The following ZNF512B variants were observed in gnomAD, a reference collection of about 807,000 sequenced individuals.
ZNF512B encodes the protein zinc finger protein 512B.
A neutral mutation model predicts 87.8 loss-of-function variants in ZNF512B; 22 were observed. The observed-to-expected ratio is 0.25, with a 90% CI of 0.18 to 0.36. ZNF512B has a LOEUF of 0.36. Ranked by LOEUF, ZNF512B falls within the 10% of genes least tolerant of loss-of-function variation. ZNF512B has a pLI of 1.00. For missense variants in ZNF512B, 1,060 were observed against 1,231.6 expected, an observed-to-expected ratio of 0.86 and a Z score of 2.09; for synonymous variants, 524 against 490.9, an observed-to-expected ratio of 1.07 and a Z score of -0.89.
At position 63,962,000 on chromosome 20, in the gene ZNF512B, C is replaced by T; in HGVS notation, c.2270G>A (p.Cys757Tyr). ...KGHVNCPNDC[C>Y]EAIYSSVSGL... ...GGACACGCTGGAGTAGATGGCTTCA[C>T]AGCACTGCAGGGAAGGGAGCCGTGG... Residue 757 changes from cysteine (C) to tyrosine (Y), a missense_variant, in exon 15 of 17, where the codon TGT becomes TAT. Physicochemically the swap from Cys to Tyr is radical, Grantham distance 194. Transcript: ENST00000369888. This position sits in a 1 kb window ranked among gnomAD's most constrained non-coding sequence, Gnocchi z 6.4. 6.4e-7 allele frequency: 1 copy of T among 1,551,024 alleles called. No homozygotes were observed. The highest frequency in any genetic ancestry group is 8.7e-7 in the Non-Finnish European group (1 of 1,146,928).
intron 13 of ZNF512B, 29 bp downstream of exon 13, chr20:63,962,558 T>G: frequency 6.3e-7 from 1 of 1,593,136 alleles, no homozygotes; most frequent in African/African-American, 1.3e-5. Flanking sequence ...GCCACGGCGC[T>G]GTCCACAGCC....
chr20:63,959,521 A>C lies in ZNF512B; in HGVS notation c.*367T>G. On this transcript the variant is annotated 3_prime_UTR_variant, in exon 17 of 17. Transcript: ENST00000369888. ...GGGATGCCTGAGCCTTGGGGTAGCC[A>C]GGGAAGGGACCCGGCAGGGCCTGAG... 1 of 258,658 alleles carries C rather than the reference A, an allele frequency of 3.9e-6. No homozygotes were observed. Among genetic ancestry groups the C allele is most frequent in the Non-Finnish European group, 7.3e-6 (1 of 137,214 alleles). The allele number at this position is 258,658 out of a possible 1,614,324, so 16.0% of individuals were successfully genotyped here. A position where few individuals can be genotyped will look rare whatever the true frequency, so the allele number is the denominator to read the frequency against.
In ZNF512B at chr20:63,964,662, C is replaced by G; in HGVS notation, c.1089G>C (p.Glu363Asp). Residue 363 changes from glutamate to aspartate, a missense_variant, in exon 6 of 17, where the codon GAG becomes GAC. By Grantham distance (45) the Glu-to-Asp change is conservative. Coordinates refer to ENST00000369888, the MANE Select transcript of ZNF512B (RefSeq NM_020713.3). ...TGGAGGAGGGGCCGTACTCCCCATT[C>G]TCTGGCCTGGCCTGCTTGGGTGGAA... ...CPIPPKQARP[E>D]NGEYGPSSMG... 6.2e-7 allele frequency: 1 copy of G among 1,612,398 alleles called. No individual in the cohort carries two copies.
Position 63,966,765 on chromosome 20 carries a change from C to T in ZNF512B, c.410G>A (p.Arg137His), listed in dbSNP as rs1215329444. Residue 137 changes from arginine to histidine, a missense_variant, in exon 5 of 17, where the codon CGC becomes CAC. Arg to His is a conservative substitution (Grantham distance 29, BLOSUM62 0). Transcript: ENST00000369888. ...QRCQGGAISD[R>H]LAFPCPFCEA... ...GCAGAAGGGGCAGGGGAAGGCCAGG[C>T]GATCTGAGATGGCACCCTGGGCAGG... The T allele has an allele frequency of 5.0e-6, 8 of 1,596,496 alleles. No homozygotes were observed. The highest frequency in any genetic ancestry group is 2.3e-5 in the South Asian group (2 of 88,732).
chr20:63,963,777 G>A lies in ZNF512B; in HGVS notation c.1605+12C>T. 3 of 1,613,076 alleles carry A rather than the reference G, an allele frequency of 1.9e-6. No homozygotes were observed. The South Asian group carries it at 3.3e-5, about 18-fold the overall frequency. Reference sequence around the variant, plus strand: ...GCGCCTCCCTCCCAGCGCCTTCCGGGAGCTGCCTTACCTTCTGACACACCT... The same window carrying A: ...GCGCCTCCCTCCCAGCGCCTTCCGGAAGCTGCCTTACCTTCTGACACACCT... On this transcript the variant is annotated intron_variant, in intron 9 of 16. Coordinates refer to ENST00000369888, the MANE Select transcript of ZNF512B (RefSeq NM_020713.3).
rs1221059995 is a variant in ZNF512B, at chr20:63,967,905, T to C, written c.46A>G (p.Ser16Gly). Residue 16 changes from serine (S) to glycine (G), a missense_variant, in exon 2 of 17, where the codon AGC (serine) becomes GGC (glycine). By Grantham distance (56) the Ser-to-Gly change is moderately conservative. Around this residue, in one of 9 missense-constraint regions of ZNF512B, gnomAD observed 134 missense variants for 153.6 expected, o/e 0.87. Coordinates refer to ENST00000369888, the MANE Select transcript of ZNF512B (RefSeq NM_020713.3). ...CCATCCTTCCCGGGACCACTCTTGC[T>C]GGACCCCGGGAGCCGACGGCCTCCA... ...CVGGRRLPGSSKSGPGKDGSR... is the reference protein window; with the variant it reads ...CVGGRRLPGSGKSGPGKDGSR... 6.2e-7 allele frequency: 1 copy of C among 1,612,948 alleles called. No individual in the cohort carries two copies. The highest frequency in any genetic ancestry group is 1.1e-5 in the South Asian group (1 of 91,090).
chr20:63,968,130 G>A (rs2058946901), intron 1 of ZNF512B, among the ~76,000 whole-genome samples, 178 bp from the exon 2 acceptor site: 1 of 152,138 alleles, frequency 6.6e-6, no homozygotes, highest in Non-Finnish European at 1.5e-5. Flanking sequence ...CTTAGGGGAG[G>A]GGCTGCCAGC....
rs933630943 is a variant in ZNF512B, at chr20:63,956,930, C to T, written c.*2958G>A. 2.6e-5 allele frequency: 4 copies of T among 152,532 alleles called. No individual in the cohort carries two copies. The highest frequency in any genetic ancestry group is 9.7e-5 in the African/African-American group (4 of 41,436). The allele number at this position is 152,532 out of a possible 1,614,324, so 9.4% of individuals were successfully genotyped here. A position where few individuals can be genotyped will look rare whatever the true frequency, so the allele number is the denominator to read the frequency against. On this transcript the variant is annotated 3_prime_UTR_variant, in exon 17 of 17. Coordinates refer to ENST00000369888, the MANE Select transcript of ZNF512B (RefSeq NM_020713.3). ...ATATGGTTACAAGTGATAGCTGGAA[C>T]CTCTTTCAAAATGCACTTATGTACT...
Position 63,958,156 on chromosome 20 carries a change from G to A in ZNF512B, c.*1732C>T, listed in dbSNP as rs2058801832. The A allele has an allele frequency of 6.6e-6, 1 of 152,216 alleles. No individual in the cohort carries two copies. Among genetic ancestry groups the A allele is most frequent in the African/African-American group, 2.4e-5 (1 of 41,404 alleles). The allele number at this position is 152,216 out of a possible 1,614,324, so 9.4% of individuals were successfully genotyped here. A position where few individuals can be genotyped will look rare whatever the true frequency, so the allele number is the denominator to read the frequency against. ...AACCCCAGTCCCCAAAGTGCTCCTG[G>A]AACTTGTCTCCCTACTACTGCAGGC... On this transcript the variant is annotated 3_prime_UTR_variant, in exon 17 of 17. Coordinates refer to ENST00000369888, the MANE Select transcript of ZNF512B (RefSeq NM_020713.3).
chr20:63,963,410 C>G lies in ZNF512B; in HGVS notation c.1729G>C (p.Glu577Gln). 6.5e-7 allele frequency: 1 copy of G among 1,548,682 alleles called. No homozygotes were observed. The highest frequency in any genetic ancestry group is 8.7e-7 in the Non-Finnish European group (1 of 1,151,826). The stretch of plus-strand genomic sequence containing the variant: ...CGCAGCCTCTCGCGCTCCTCCTGCT[C>G]GCCCCCTTCGGAGGCCTCGGCGTCA... ...PSDAEASEGG[E>Q]QEERERLRKV... The change falls in exon 11 of 17, where the codon GAG becomes CAG. Residue 577 changes from glutamate to glutamine, a missense_variant. Glu to Gln is a conservative substitution (Grantham distance 29). This residue lies in a region of ZNF512B where 165 missense variants were observed against 173.0 expected (regional missense o/e 0.95). Transcript: ENST00000369888.
intron 16 of ZNF512B, among the ~76,000 whole-genome samples, chr20:63,960,762 CA>C (rs1291889853): frequency 4.6e-5 from 6 of 130,862 alleles, no homozygotes; most frequent in Non-Finnish European, 9.7e-5. Context: ...GCACCTGCAG[CA>C]GGGCTGGACA....
At position 63,966,248 on chromosome 20, in the gene ZNF512B, GCTGA is replaced by G; in HGVS notation, c.923_926del (p.Val308AlafsTer18). 6.2e-7 allele frequency: 1 copy of G among 1,614,044 alleles called. No homozygotes were observed. Among genetic ancestry groups the G allele is most frequent in the Non-Finnish European group, 8.5e-7 (1 of 1,180,032 alleles). On this transcript the variant is annotated frameshift_variant, in exon 5 of 17. Transcript: ENST00000369888. LOFTEE classifies it high-confidence loss of function. ...TGTGTCTGCTGATAGCAATGGGCCT[GCTGA>G]CTGTCACCGGCTTGCTGACCACAAT...
intron 5 of ZNF512B, among the ~76,000 whole-genome samples, chr20:63,965,591 C>T (rs2058914313): frequency 6.7e-5 from 1 of 14,924 alleles, no homozygotes; most frequent in Non-Finnish European, 1.2e-4. Flanking sequence ...CAACCTGGGA[C>T]GAGCCCCCAT....
chr20:63,967,737 T>C, intron 2 of ZNF512B, 93 bp downstream of exon 2: 7 of 1,545,288 alleles, frequency 4.5e-6, no homozygotes, highest in Non-Finnish European at 6.1e-6. Context: ...CCTAGCTGGG[T>C]ACCTGGAGAC....
chr20:63,961,877 G>A lies in ZNF512B; in HGVS notation c.2328+65C>T, dbSNP rs140004384. ...TCCCTCACTACTGTGTGGGAAGCCC[G>A]CGTGGGGTGAGCTGGGAGCTCTGAG... On this transcript the variant is annotated intron_variant, in intron 15 of 16. Coordinates refer to ENST00000369888, the MANE Select transcript of ZNF512B (RefSeq NM_020713.3). This position sits in a 1 kb window ranked among gnomAD's most constrained non-coding sequence, Gnocchi z 6.4. 3.4e-3 allele frequency: 5,112 copies of A among 1,512,802 alleles called. 11 individuals carry two copies. The highest frequency in any genetic ancestry group is 4.0e-3 in the Non-Finnish European group (4,484 of 1,113,230). The allele number at this position is 1,512,802 out of a possible 1,614,324, so 93.7% of individuals were successfully genotyped here.
Position 63,962,470 on chromosome 20 carries a change from G to C in ZNF512B, c.2164-96C>G. 1.9e-6 allele frequency: 3 copies of C among 1,553,834 alleles called. No homozygotes were observed. In the East Asian group the frequency reaches 6.8e-5, roughly 35 times the overall value. On this transcript the variant is annotated intron_variant, in intron 13 of 16. Coordinates refer to ENST00000369888, the MANE Select transcript of ZNF512B (RefSeq NM_020713.3). ...TCGGCAGCAGGCGACACTCGCCGCA[G>C]ATGGCGGGGGCAGCGGGTGGCCCAG...
At position 63,969,878 on chromosome 20, in the gene ZNF512B, G is replaced by A. The variant is rs921081316; in HGVS notation, c.-67C>T. On this transcript the variant is annotated 5_prime_UTR_variant, in exon 1 of 17. Transcript: ENST00000369888. ...CCGGGGCGGGGGGCGCGGGGCGCGGGGCGCTGGGTCCGGGCGGCGCAGGCT... is the reference window on the plus strand; with the variant it reads ...CCGGGGCGGGGGGCGCGGGGCGCGGAGCGCTGGGTCCGGGCGGCGCAGGCT... 1.0e-4 allele frequency: 15 copies of A among 145,870 alleles called. No individual in the cohort carries two copies. The highest frequency in any genetic ancestry group is 3.7e-4 in the African/African-American group (15 of 40,744). The allele number at this position is 145,870 out of a possible 1,614,324, so 9.0% of individuals were successfully genotyped here.
intron 3 of ZNF512B, 110 bp downstream of exon 3, chr20:63,967,271 T>A (rs1291845045): frequency 1.4e-6 from 2 of 1,466,802 alleles, no homozygotes; most frequent in Non-Finnish European, 1.8e-6. Flanking sequence ...AGTGCCCACA[T>A]CTTGAGGCAT....
intron 10 of ZNF512B, 41 bp from the exon 11 acceptor site, chr20:63,963,481 AC>A: frequency 6.5e-7 from 1 of 1,547,484 alleles, no homozygotes; most frequent in Non-Finnish European, 8.7e-7. Flanking sequence ...CACCATCGCC[AC>A]GGAGCCCTGC....
Sources: allele counts gnomAD v4.1 joint callset (sites outside exome capture counted in the v4.1 genomes callset), GRCh38; gene constraint gnomAD v4.1.1; regional missense constraint gnomAD v4.1.1; non-coding constraint Gnocchi (gnomAD v3.1); transcripts MANE v1.5; gene names NCBI Gene and HGNC (gene_info 2026-07-23, HGNC 2026-07-21).